Variants in RBFOX1 observed in about 807,000 individuals in gnomAD.
RBFOX1 encodes the protein RNA binding fox-1 homolog 1.
RBFOX1 carries 8 observed loss-of-function variants against 57.7 expected under a neutral mutation model. That is an observed-to-expected ratio of 0.14 (90% confidence interval 0.08 to 0.25). RBFOX1 has a LOEUF of 0.25. Among genes scored for constraint, RBFOX1 ranks in the 10% least tolerant of loss-of-function variants. The pLI, the probability that RBFOX1 is intolerant of heterozygous loss-of-function variation, is 1.00. For missense variants in RBFOX1, 611 were observed against 548.5 expected (o/e 1.11, Z -1.14); for synonymous variants, 326 against 222.4 (o/e 1.47, Z -4.15).
At chr16:7,618,598 CT>C (rs2058832384) in intron 10 of RBFOX1, among the ~76,000 whole-genome samples, 1 of 152,024 alleles carries the variant, frequency 6.6e-6, no homozygotes, top group Non-Finnish European at 1.5e-5. Flanking sequence ...AGACTTTTTG[CT>C]TCCCACTTTC....
intron 3 of RBFOX1, among the ~76,000 whole-genome samples, chr16:6,922,233 A>G (rs1340452933): frequency 6.6e-6 from 1 of 152,146 alleles, no homozygotes; most frequent in Non-Finnish European, 1.5e-5. Context: ...AGGCATTGGC[A>G]TCGATCTCAG....
chr16:5,786,851 T>A (rs1307035520), intron 3 of RBFOX1, among the ~76,000 whole-genome samples: 1 of 152,102 alleles, frequency 6.6e-6, no homozygotes, highest in Non-Finnish European at 1.5e-5. Context: ...AAAGGTAGAA[T>A]GAAGCCGGGC....
At chr16:5,311,614 C>G (rs1227628464) in intron 1 of RBFOX1, among the ~76,000 whole-genome samples, 1 of 152,144 alleles carries the variant, frequency 6.6e-6, no homozygotes, top group Non-Finnish European at 1.5e-5. Context: ...AGGTGTATCT[C>G]ATTGTGGTTT....
rs572542862 is a variant in RBFOX1, at chr16:5,486,872, C to T, written c.258+19618C>T. 3.3e-5 allele frequency among the ~76,000 whole-genome samples: 5 copies of T among 152,058 alleles called. No individual in the cohort carries two copies. The East Asian group carries it at 7.7e-4, about 23-fold the overall frequency. On this transcript the variant is annotated intron_variant, in intron 2 of 2. Transcript: ENST00000585867. ...TAAAACCTGAGACTCCTTTACTTGA[C>T]CTGTGAGACCCAGCAACCTCAGAAG...
chr16:5,849,482 G>A (rs898946721), intron 3 of RBFOX1, among the ~76,000 whole-genome samples: 1 of 152,020 alleles, frequency 6.6e-6, no homozygotes, highest in Non-Finnish European at 1.5e-5. Context: ...TCTCCCAGGG[G>A]TCATATCCTA....
At chr16:6,162,351 G>A (rs1213851470) in intron 1 of RBFOX1, among the ~76,000 whole-genome samples, 1 of 152,144 alleles carries the variant, frequency 6.6e-6, no homozygotes, top group African/African-American at 2.4e-5. Flanking sequence ...CTGGCCTTAT[G>A]TGATCCACCT....
chr16:6,016,484 T>C (rs926861452), upstream of RBFOX1, among the ~76,000 whole-genome samples: 11 of 152,172 alleles, frequency 7.2e-5, no homozygotes, highest in Non-Finnish European at 2.9e-5. Context: ...TGGACAACTT[T>C]AGACCTTATC....
At chr16:5,822,831 C>A (rs78532667) in intron 3 of RBFOX1, among the ~76,000 whole-genome samples, 1 of 152,058 alleles carries the variant, frequency 6.6e-6, no homozygotes, top group African/African-American at 2.4e-5. Flanking sequence ...AGTTCCAGCT[C>A]TGCCATGCAC....
chr16:6,570,755 G>A (rs1030861385), intron 2 of RBFOX1, among the ~76,000 whole-genome samples: 5 of 152,050 alleles, frequency 3.3e-5, no homozygotes, highest in African/African-American at 1.2e-4. Flanking sequence ...GTGCCATGTG[G>A]CATTTGTTTA....
At chr16:7,185,694 G>GCA (rs1291776916) in intron 4 of RBFOX1, among the ~76,000 whole-genome samples, 2 of 152,106 alleles carry the variant, frequency 1.3e-5, no homozygotes, top group African/African-American at 2.4e-5. Context: ...ATCTTCAAAG[G>GCA]CACTCTTTTT....
intron 1 of RBFOX1, among the ~76,000 whole-genome samples, chr16:6,256,619 GC>G (rs2097669124): frequency 6.6e-6 from 1 of 152,018 alleles, no homozygotes; most frequent in South Asian, 2.1e-4. Context: ...ACAGGTGCTG[GC>G]AGTCTCAGCA....
At chr16:5,450,205 T>C (rs577470011) in intron 1 of RBFOX1, among the ~76,000 whole-genome samples, 1 of 152,278 alleles carries the variant, frequency 6.6e-6, no homozygotes, top group African/African-American at 2.4e-5. Flanking sequence ...GCCTGTGGCA[T>C]TGCACCTTCA....
intron 3 of RBFOX1, among the ~76,000 whole-genome samples, chr16:6,829,382 C>G (rs1035795029): frequency 8.0e-5 from 12 of 150,912 alleles, no homozygotes; most frequent in East Asian, 3.9e-4. Flanking sequence ...CATACATACA[C>G]AGACACACAT....
At chr16:6,233,436 A>C (rs1238978916) in intron 1 of RBFOX1, among the ~76,000 whole-genome samples, 2 of 152,128 alleles carry the variant, frequency 1.3e-5, no homozygotes, top group East Asian at 3.9e-4. Context: ...TCCACACCGC[A>C]ACCCAAACAG....
At chr16:5,403,646 A>G (rs2066782301) in intron 1 of RBFOX1, among the ~76,000 whole-genome samples, 1 of 152,060 alleles carries the variant, frequency 6.6e-6, no homozygotes, top group African/African-American at 2.4e-5. Context: ...AGGTTTCGCC[A>G]TGTTGGCCAG....
intron 3 of RBFOX1, among the ~76,000 whole-genome samples, chr16:6,861,934 C>T (rs116561835): frequency 0.068 from 9,750 of 143,154 alleles, 396 homozygotes; most frequent in South Asian, 0.13. Flanking sequence ...GGCAGGGGGT[C>T]TGCAAACAGA....
chr16:6,519,423 G>C (rs2096456971), intron 2 of RBFOX1, among the ~76,000 whole-genome samples: 1 of 152,184 alleles, frequency 6.6e-6, no homozygotes. Context: ...AACTGTGGCT[G>C]GGCGCAGTGG....
chr16:7,358,417 T>G (rs1413717215), intron 4 of RBFOX1, among the ~76,000 whole-genome samples: 2 of 152,124 alleles, frequency 1.3e-5, no homozygotes, highest in Non-Finnish European at 1.5e-5. Context: ...TGTTTTTTGT[T>G]TTTTGTTTTT....
intron 3 of RBFOX1, among the ~76,000 whole-genome samples, chr16:6,908,874 A>G (rs2070793859): frequency 6.6e-6 from 1 of 152,094 alleles, no homozygotes; most frequent in African/African-American, 2.4e-5. Context: ...TTATATAATA[A>G]TTTTGAACAA....
Sources: gnomAD v4.1 joint callset for allele counts (sites outside exome capture counted in the v4.1 genomes callset) on GRCh38, gnomAD v4.1.1 for gene constraint, MANE v1.5 for transcripts, NCBI Gene and HGNC (gene_info 2026-07-23, HGNC 2026-07-21) for gene names.